Variants in DMD observed in about 807,000 individuals in gnomAD.
DMD encodes mutant dystrophin.
A neutral mutation model predicts 330.1 loss-of-function variants in DMD; 63 were observed. The ratio of observed to expected loss-of-function variants is 0.19; its 90% CI spans 0.16 to 0.24. The LOEUF is 0.24. Ranked by LOEUF, DMD falls within the 10% of genes least tolerant of loss-of-function variation. DMD has a pLI of 1.00. For synonymous variants in DMD, 1,223 were observed against 959.8 expected, an observed-to-expected ratio of 1.27 and a Z score of -5.07; for missense variants, 3,344 against 2,684.1, an observed-to-expected ratio of 1.25 and a Z score of -5.43.
chrX:32,291,178 C>G (rs1408983), intron 42 of DMD, among the ~76,000 whole-genome samples: 11,110 of 111,212 alleles, frequency 0.1, 595 homozygotes, highest in Admixed American at 0.14. Flanking sequence ...ACTTCAGTAG[C>G]TAATGGGGAA....
chrX:32,227,703 T>C (rs1040889987), intron 43 of DMD, among the ~76,000 whole-genome samples: 10 of 111,099 alleles, frequency 9.0e-5, no homozygotes, highest in African/African-American at 3.3e-4. Context: ...ATACCTTAAA[T>C]TTATACAAAC....
intron 41 of DMD, among the ~76,000 whole-genome samples, chrX:32,322,233 A>G (rs2097620427): frequency 9.0e-6 from 1 of 111,680 alleles, no homozygotes; most frequent in South Asian, 3.7e-4. Context: ...GAAGTTATTA[A>G]TATTAATTGG....
chrX:32,613,552 C>G (rs1027913047), intron 12 of DMD, among the ~76,000 whole-genome samples: 4 of 110,249 alleles, frequency 3.6e-5, no homozygotes, highest in South Asian at 7.7e-4. Flanking sequence ...TATAGAAAAG[C>G]AATGCTTCAG....
chrX:31,831,724 G>C (rs945636146), intron 49 of DMD, among the ~76,000 whole-genome samples: 2 of 110,322 alleles, frequency 1.8e-5, no homozygotes, highest in Admixed American at 1.9e-4. Context: ...TCAGCCTCCC[G>C]AGTAGCTGGG....
At chrX:32,216,355 G>C (rs1413665134) in intron 44 of DMD, among the ~76,000 whole-genome samples, 2 of 111,633 alleles carry the variant, frequency 1.8e-5, no homozygotes, top group Non-Finnish European at 3.8e-5. Flanking sequence ...TCCATATGCT[G>C]TTTCCCTATT....
At chrX:31,161,584 G>A (rs565866255) in intron 74 of DMD, among the ~76,000 whole-genome samples, 4 of 110,621 alleles carry the variant, frequency 3.6e-5, no homozygotes, top group Admixed American at 9.6e-5. Context: ...AAAACTTTCC[G>A]TAACACCAGA....
At position 32,613,881 on chromosome X, in the gene DMD, C is replaced by T. The variant is rs1406109968; in HGVS notation, c.1482+422G>A. On this transcript the variant is annotated intron_variant, in intron 12 of 78. Transcript: ENST00000357033. ...AATGAGGTAATTTAGGAAGAATGTA[C>T]CTTTATTTTTTCACAGTTCTCGAGT... Among the ~76,000 whole-genome samples, 9 of 110,916 alleles carry T rather than the reference C, an allele frequency of 8.1e-5. No homozygotes were observed. In the Admixed American group the frequency reaches 8.6e-4, roughly 11 times the overall value.
intron 34 of DMD, among the ~76,000 whole-genome samples, chrX:32,365,964 G>GA (rs1214263909): frequency 2.7e-5 from 3 of 111,353 alleles, no homozygotes; most frequent in African/African-American, 6.5e-5. Flanking sequence ...CATTTTAACT[G>GA]AAAAAACTGC....
chrX:32,687,473 C>G (rs2062968205), intron 9 of DMD, among the ~76,000 whole-genome samples: 1 of 111,640 alleles, frequency 9.0e-6, no homozygotes, highest in African/African-American at 3.3e-5. Context: ...TACTATGTGA[C>G]TTCCAAGACT....
chrX:33,101,174 C>G (rs2095234401), intron 1 of DMD, among the ~76,000 whole-genome samples: 1 of 112,374 alleles, frequency 8.9e-6, no homozygotes, highest in Non-Finnish European at 1.9e-5. Flanking sequence ...TAAAGAGGCA[C>G]TTGTATTGTT....
chrX:33,292,235 TA>T (rs2053522731), intron 1 of DMD, among the ~76,000 whole-genome samples: 1 of 111,154 alleles, frequency 9.0e-6, no homozygotes, highest in Admixed American at 9.6e-5. Flanking sequence ...TTAGTACCAT[TA>T]GAAGATACAA....
At chrX:32,041,651 TCATTGTCTG>T (rs760264009) in intron 44 of DMD, among the ~76,000 whole-genome samples, 61 of 110,946 alleles carry the variant, frequency 5.5e-4, no homozygotes, top group Non-Finnish European at 1.0e-3. Context: ...ATTGAAAGAC[TCATTGTCTG>T]TCCTTGAGCA....
At chrX:32,216,334 A>C (rs1329293450) in intron 44 of DMD, among the ~76,000 whole-genome samples, 5 of 111,975 alleles carry the variant, frequency 4.5e-5, no homozygotes, top group Non-Finnish European at 5.6e-5. Context: ...TAAACTACAC[A>C]CTGGTTATCA....
chrX:31,966,003 C>T (rs1467230181), intron 45 of DMD, among the ~76,000 whole-genome samples: 1 of 111,627 alleles, frequency 9.0e-6, no homozygotes, highest in Non-Finnish European at 1.9e-5. Flanking sequence ...ATATAGACAT[C>T]TAGCTTGAAT....
At chrX:33,232,509 G>A (rs1162584999) in intron 1 of DMD, among the ~76,000 whole-genome samples, 1 of 111,465 alleles carries the variant, frequency 9.0e-6, no homozygotes, top group Non-Finnish European at 1.9e-5. Flanking sequence ...ATTCCTTTAC[G>A]TAAATTAACA....
At chrX:31,894,622 G>A (rs2094306108) in intron 47 of DMD, among the ~76,000 whole-genome samples, 1 of 112,213 alleles carries the variant, frequency 8.9e-6, no homozygotes, top group Admixed American at 9.4e-5. Context: ...GGCAAACACA[G>A]AACTTGCTCT....
chrX:33,285,919 A>C (rs1186292117), intron 1 of DMD, among the ~76,000 whole-genome samples: 8 of 111,967 alleles, frequency 7.1e-5, no homozygotes, highest in Non-Finnish European at 1.3e-4. Flanking sequence ...TTTGAATTGT[A>C]TTTTGTTTGG....
intron 9 of DMD, among the ~76,000 whole-genome samples, chrX:32,649,416 C>T (rs1465484057): frequency 9.2e-6 from 1 of 108,384 alleles, no homozygotes; most frequent in Non-Finnish European, 1.9e-5. Flanking sequence ...TAGCCGGGCG[C>T]GGTGGCGGCG....
At position 32,434,407 on chromosome X, in the gene DMD, C is replaced by G. The variant is rs998368193; in HGVS notation, c.4071+3834G>C. On this transcript the variant is annotated intron_variant, in intron 29 of 78. Coordinates refer to ENST00000357033, the MANE Select transcript of DMD (RefSeq NM_004006.3). ...CCTGGGCTTCAGGGAGAGACTCTGT[C>G]TCAAAAAAATAAAATAAAATAAAAA... 7.2e-5 allele frequency among the ~76,000 whole-genome samples: 8 copies of G among 111,145 alleles called. No homozygotes were observed. The South Asian group carries it at 2.6e-3, about 37-fold the overall frequency.
Sources: gnomAD v4.1 joint callset for allele counts (sites outside exome capture counted in the v4.1 genomes callset) on GRCh38, gnomAD v4.1.1 for gene constraint, MANE v1.5 for transcripts, NCBI Gene and HGNC (gene_info 2026-07-23, HGNC 2026-07-21) for gene names.